PLA2R1: variants seen among roughly 807,000 people sequenced by gnomAD.
PLA2R1 encodes phospholipase A2 receptor 1, also known as secretory phospholipase A2 receptor.
In PLA2R1, 158 loss-of-function variants were observed where a neutral mutation model predicts 195.9. The ratio of observed to expected loss-of-function variants is 0.81; its 90% CI spans 0.71 to 0.92. The LOEUF (loss-of-function observed/expected upper bound fraction) is 0.92, where lower values mean the gene tolerates loss of function less well. Ranked by LOEUF, PLA2R1 falls within the 40% of genes least tolerant of loss-of-function variation. The pLI is 0.00. For synonymous variants in PLA2R1, 586 were observed against 598.2 expected (o/e 0.98, Z 0.30); for missense variants, 1,626 against 1,764.6 (o/e 0.92, Z 1.41).
intron 11 of PLA2R1, among the ~76,000 whole-genome samples, chr2:159,996,815 T>G (rs1286977823): frequency 6.6e-6 from 1 of 152,122 alleles, no homozygotes; most frequent in Admixed American, 6.6e-5. Context: ...CAGTCTACTA[T>G]AAGGTCAGCA....
chr2:159,964,803 G>A (rs112148881), intron 20 of PLA2R1, among the ~76,000 whole-genome samples: 3 of 152,164 alleles, frequency 2.0e-5, no homozygotes, highest in African/African-American at 7.2e-5. Context: ...GACCAAGGCG[G>A]GCGGATCACC....
rs1390877136 is a variant in PLA2R1 at position 159,955,754 on chromosome 2, A to C, written c.3097T>G (p.Trp1033Gly). Residue 1033 changes from tryptophan to glycine, a missense_variant, in exon 22 of 30, where the codon TGG becomes GGG. Coordinates refer to ENST00000283243, the MANE Select transcript of PLA2R1 (RefSeq NM_007366.5). Reference protein sequence around the residue: ...IGLQNDDYETWLNGKPVVYSN... With the variant: ...IGLQNDDYETGLNGKPVVYSN... ...TATACCACAGGCTTTCCATTTAGCC[A>C]TGTTTCATAATCATCATTTTGTAAA... 1.3e-6 allele frequency: 2 copies of C among 1,582,636 alleles called. No homozygotes were observed. Among genetic ancestry groups the C allele is most frequent in the Admixed American group, 3.4e-5 (2 of 58,974 alleles).
At chr2:159,924,051 G>A in the PLA2R1 span, among the ~76,000 whole-genome samples, 1 of 151,788 alleles carries the variant, frequency 6.6e-6, no homozygotes, top group Non-Finnish European at 1.5e-5. Flanking sequence ...GGAGGTTCTG[G>A]AGGAGAACCC....
At chr2:160,019,039 TAA>T (rs893097226) in intron 8 of PLA2R1, among the ~76,000 whole-genome samples, 1 of 152,202 alleles carries the variant, frequency 6.6e-6, no homozygotes, top group Non-Finnish European at 1.5e-5. Context: ...TCAAAGAGAT[TAA>T]GTCTGTTTTA....
At chr2:160,006,733 G>A (rs1355419) in intron 10 of PLA2R1, among the ~76,000 whole-genome samples, 1 of 152,132 alleles carries the variant, frequency 6.6e-6, no homozygotes, top group Non-Finnish European at 1.5e-5. Flanking sequence ...CAGACCTGCT[G>A]AGTCAATGGA....
intron 11 of PLA2R1, among the ~76,000 whole-genome samples, chr2:159,999,714 T>A (rs1017131935): frequency 2.0e-5 from 3 of 152,180 alleles, no homozygotes; most frequent in Non-Finnish European, 2.9e-5. Flanking sequence ...TAAAAGTTCA[T>A]TAAATGAATG....
intron 11 of PLA2R1, among the ~76,000 whole-genome samples, chr2:159,988,456 T>C (rs1475614273): frequency 6.6e-6 from 1 of 152,114 alleles, no homozygotes; most frequent in Non-Finnish European, 1.5e-5. Flanking sequence ...AAATATAATG[T>C]GTAAAGTGCT....
chr2:159,954,539 T>G (rs1687964604), intron 23 of PLA2R1, among the ~76,000 whole-genome samples: 1 of 151,824 alleles, frequency 6.6e-6, no homozygotes, highest in East Asian at 1.9e-4. Flanking sequence ...TATAAATATA[T>G]GCTAGGCTGC....
chr2:159,969,161 A>C lies in PLA2R1; in HGVS notation c.2764+95T>G, dbSNP rs999583083. ...GTCAACTGAAAAGAGAAATAAACAGAAACTTCTCATGGAAATGATGCAAGG... is the reference window on the plus strand; with the variant it reads ...GTCAACTGAAAAGAGAAATAAACAGCAACTTCTCATGGAAATGATGCAAGG... On this transcript the variant is annotated intron_variant, in intron 19 of 29. Transcript: ENST00000283243. 2.2e-4 allele frequency: 143 copies of C among 659,002 alleles called. 2 individuals carry two copies. In the East Asian group the frequency reaches 3.9e-3, roughly 18 times the overall value. The allele number at this position is 659,002 out of a possible 1,614,324, so 40.8% of individuals were successfully genotyped here. A position where few individuals can be genotyped will look rare whatever the true frequency, so the allele number is the denominator to read the frequency against.
At position 159,932,436 on chromosome 2, in the gene PLA2R1, A is replaced by G. The variant is rs1686628333; in HGVS notation, c.*9342T>C. On this transcript the variant is annotated 3_prime_UTR_variant, in exon 30 of 30. Transcript: ENST00000283243. Reference sequence around the variant, plus strand: ...TTGTCCTCAGCCTCCACAGAACCACATTTTGGGCTAAGAACTCCAAAGCCC... The same window carrying G: ...TTGTCCTCAGCCTCCACAGAACCACGTTTTGGGCTAAGAACTCCAAAGCCC... 1 of 152,232 alleles carries G rather than the reference A, an allele frequency of 6.6e-6. No individual in the cohort carries two copies. Among genetic ancestry groups the G allele is most frequent in the African/African-American group, 2.4e-5 (1 of 41,450 alleles). 9.4% of individuals were successfully genotyped at this position (152,232 alleles called of 1,614,324 possible). A position where few individuals can be genotyped will look rare whatever the true frequency, so the allele number is the denominator to read the frequency against.
At chr2:159,954,636 CTGT>C (rs1411805695) in intron 23 of PLA2R1, among the ~76,000 whole-genome samples, 3 of 151,914 alleles carry the variant, frequency 2.0e-5, no homozygotes, top group Admixed American at 6.6e-5. Context: ...AAAGCATGAG[CTGT>C]TGTTGTTTTT....
rs939072221 is a variant in PLA2R1, at chr2:160,062,329, C to T, written c.75G>A (p.Ala25=). Residue 25 remains alanine, a synonymous_variant, in exon 1 of 30, where the codon GCG becomes GCA. Transcript: ENST00000283243. ...APRGCAEGVA[A]ALTPERLLEW... ...CCAGGAGCCGCTCGGGGGTAAGCGCCGCCGCCACACCCTCGGCGCAGCCCC... is the reference window on the plus strand; with the variant it reads ...CCAGGAGCCGCTCGGGGGTAAGCGCTGCCGCCACACCCTCGGCGCAGCCCC... The T allele has an allele frequency of 4.6e-6, 7 of 1,527,702 alleles. No individual in the cohort carries two copies. The highest frequency in any genetic ancestry group is 6.2e-6 in the Non-Finnish European group (7 of 1,137,636). 94.6% of individuals were successfully genotyped at this position (1,527,702 alleles called of 1,614,324 possible). A position where few individuals can be genotyped will look rare whatever the true frequency, so the allele number is the denominator to read the frequency against.
intron 27 of PLA2R1, chr2:159,946,379 T>G (rs1687389760): frequency 1.0e-6 from 1 of 985,724 alleles, no homozygotes; most frequent in Non-Finnish European, 1.2e-6. Context: ...TATTACAAAC[T>G]CTGGTTTTTA....
chr2:159,952,598 T>C (rs1002958696), intron 23 of PLA2R1, among the ~76,000 whole-genome samples: 1 of 152,176 alleles, frequency 6.6e-6, no homozygotes, highest in Non-Finnish European at 1.5e-5. Flanking sequence ...TTAATCCTAT[T>C]CCTGGCCCTA....
chr2:160,035,984 T>A (rs764965870), intron 3 of PLA2R1, among the ~76,000 whole-genome samples: 3 of 152,202 alleles, frequency 2.0e-5, no homozygotes, highest in Non-Finnish European at 2.9e-5. Flanking sequence ...TTCCCATGCC[T>A]GGCTACCCTT....
At chr2:159,924,729 T>TGGGG in the PLA2R1 span, among the ~76,000 whole-genome samples, 4 of 117,462 alleles carry the variant, frequency 3.4e-5, no homozygotes, top group Admixed American at 8.0e-5. Context: ...CTCTGGGGGC[T>TGGGG]GGGGGGGGGG....
At position 160,016,691 on chromosome 2, in the gene PLA2R1, T is replaced by G; in HGVS notation, c.1474A>C (p.Asn492His). 6.2e-7 allele frequency: 1 copy of G among 1,600,098 alleles called. No homozygotes were observed. The highest frequency in any genetic ancestry group is 8.6e-7 in the Non-Finnish European group (1 of 1,167,248). ...ATGTAAAAAAGTCTTTCTTCACAAT[T>G]TTTGACTTTCCAGTGTCCCTCCTAC... ...EQSEGHWKVK[N>H]CEERLFYICK... Residue 492 changes from asparagine (N) to histidine (H), a missense_variant, in exon 9 of 30, where the codon AAT becomes CAT. Coordinates refer to ENST00000283243, the MANE Select transcript of PLA2R1 (RefSeq NM_007366.5).
At chr2:160,049,092 C>T (rs569802775) in intron 1 of PLA2R1, among the ~76,000 whole-genome samples, 2 of 152,034 alleles carry the variant, frequency 1.3e-5, no homozygotes, top group South Asian at 2.1e-4. Flanking sequence ...CCGCCCGCCT[C>T]GGCCTCCCAA....
At chr2:159,965,235 G>A (rs1039344736) in intron 20 of PLA2R1, among the ~76,000 whole-genome samples, 2 of 152,202 alleles carry the variant, frequency 1.3e-5, no homozygotes, top group Non-Finnish European at 2.9e-5. Flanking sequence ...AATGTCTAGT[G>A]ACATGCATCC....
Sources: gnomAD v4.1 joint callset for allele counts (sites outside exome capture counted in the v4.1 genomes callset) on GRCh38, gnomAD v4.1.1 for gene constraint, MANE v1.5 for transcripts, NCBI Gene and HGNC (gene_info 2026-07-23, HGNC 2026-07-21) for gene names.